Variants in WWOX observed in about 807,000 individuals in gnomAD.
WWOX encodes the protein WW domain containing oxidoreductase.
Under a neutral mutation model 46.2 loss-of-function variants are expected in WWOX, and 69 were observed. The ratio of observed to expected loss-of-function variants is 1.49; its 90% CI spans 1.23 to 1.82. The LOEUF (loss-of-function observed/expected upper bound fraction) is 1.82. WWOX is among the 40% of genes most tolerant of loss of function. The probability of loss-of-function intolerance (pLI) is 0.00; values close to 1 mark genes in which losing one functional copy is unlikely to be tolerated. For missense variants in WWOX, 919 were observed against 542.6 expected (o/e 1.69, Z -6.89); for synonymous variants, 359 against 202.6 (o/e 1.77, Z -6.56).
intron 8 of WWOX, among the ~76,000 whole-genome samples, chr16:78,470,566 G>A (rs568083066): frequency 6.6e-6 from 1 of 152,030 alleles, no homozygotes; most frequent in Non-Finnish European, 1.5e-5. Context: ...ATCTTGCTCT[G>A]TCGCCCAGGC....
At chr16:78,387,804 C>G (rs1313660247) in intron 6 of WWOX, among the ~76,000 whole-genome samples, 1 of 151,846 alleles carries the variant, frequency 6.6e-6, no homozygotes, top group Non-Finnish European at 1.5e-5. Flanking sequence ...TGACTTGATT[C>G]AAACATGAGG....
chr16:78,788,532 C>T lies in WWOX; in HGVS notation c.1056+355780C>T, dbSNP rs1374004120. On this transcript the variant is annotated intron_variant, in intron 8 of 8. Coordinates refer to ENST00000566780, the MANE Select transcript of WWOX (RefSeq NM_016373.4). ...CAAGAGGGCTGGGTTTGGGAGCTTC[C>T]AGATAGCTGAAGACAAGGAGGTTCC... 2.6e-5 allele frequency among the ~76,000 whole-genome samples: 4 copies of T among 152,174 alleles called. No individual in the cohort carries two copies. The South Asian group carries it at 6.2e-4, about 24-fold the overall frequency.
At chr16:78,744,731 T>C (rs1291420478) in intron 8 of WWOX, among the ~76,000 whole-genome samples, 1 of 152,092 alleles carries the variant, frequency 6.6e-6, no homozygotes, top group Non-Finnish European at 1.5e-5. Context: ...TGTGTATTTC[T>C]ATTACCAGCC....
chr16:78,718,320 A>G (rs886599029), intron 8 of WWOX, among the ~76,000 whole-genome samples: 4 of 152,090 alleles, frequency 2.6e-5, no homozygotes, highest in Admixed American at 2.0e-4. Context: ...TACCATCATA[A>G]AAGAATTATT....
At position 78,490,667 on chromosome 16, in the gene WWOX, C is replaced by T. The variant is rs193242841; in HGVS notation, c.1056+57915C>T. ...TCCTCTTTGACTTGGAAAGCACCCACGTGAATGTTGAACCATTTGGCCCTC... is the reference window on the plus strand; with the variant it reads ...TCCTCTTTGACTTGGAAAGCACCCATGTGAATGTTGAACCATTTGGCCCTC... On this transcript the variant is annotated intron_variant, in intron 8 of 8. Coordinates refer to ENST00000566780, the MANE Select transcript of WWOX (RefSeq NM_016373.4). 1.4e-3 allele frequency among the ~76,000 whole-genome samples: 216 copies of T among 152,288 alleles called. 1 individual carries two copies. Among genetic ancestry groups the T allele is most frequent in the Non-Finnish European group, 2.6e-3 (177 of 68,022 alleles).
At chr16:78,831,101 G>A (rs951734143) in intron 8 of WWOX, among the ~76,000 whole-genome samples, 1 of 152,192 alleles carries the variant, frequency 6.6e-6, no homozygotes, top group Non-Finnish European at 1.5e-5. Context: ...GCCCTCCAGA[G>A]CTTGCAGCTA....
intron 8 of WWOX, among the ~76,000 whole-genome samples, chr16:79,070,909 C>CAT (rs2048538009): frequency 1.3e-5 from 2 of 152,148 alleles, no homozygotes; most frequent in Admixed American, 6.5e-5. Context: ...AGCATCGTCA[C>CAT]TCAGCACAGA....
intron 4 of WWOX, chr16:78,118,821 T>C (rs1459438876): frequency 6.6e-6 from 1 of 152,184 alleles, no homozygotes; most frequent in African/African-American, 2.4e-5. Flanking sequence ...CCAGGAAGAC[T>C]GTGGCAGCAC....
intron 8 of WWOX, among the ~76,000 whole-genome samples, chr16:79,056,209 C>T (rs1403828826): frequency 6.0e-5 from 6 of 100,718 alleles, no homozygotes; most frequent in African/African-American, 2.9e-4. Context: ...TAGGCTGTCA[C>T]TAGACCAAAA....
chr16:79,139,657 G>A (rs993212849), intron 8 of WWOX, among the ~76,000 whole-genome samples: 2 of 151,228 alleles, frequency 1.3e-5, no homozygotes, highest in African/African-American at 4.9e-5. Flanking sequence ...CGATCTTGTT[G>A]AAATGTTTTT....
chr16:78,447,467 T>C (rs982124199), intron 8 of WWOX, among the ~76,000 whole-genome samples: 2 of 152,200 alleles, frequency 1.3e-5, no homozygotes, highest in African/African-American at 4.8e-5. Flanking sequence ...TTAGATCACT[T>C]AGCTAGCAAG....
chr16:78,486,813 C>T (rs911941772), intron 8 of WWOX, among the ~76,000 whole-genome samples: 1 of 152,164 alleles, frequency 6.6e-6, no homozygotes, highest in Non-Finnish European at 1.5e-5. Flanking sequence ...ACTTCGTGAT[C>T]CACTCGCCTC....
intron 8 of WWOX, among the ~76,000 whole-genome samples, chr16:78,729,485 T>C (rs1218470045): frequency 6.6e-6 from 1 of 151,830 alleles, no homozygotes; most frequent in Non-Finnish European, 1.5e-5. Flanking sequence ...CAGAGGGAGA[T>C]TTGAGAAAGA....
chr16:78,966,464 C>T (rs763531682), intron 8 of WWOX, among the ~76,000 whole-genome samples: 1 of 151,954 alleles, frequency 6.6e-6, no homozygotes, highest in Non-Finnish European at 1.5e-5. Flanking sequence ...TTTTCATGTA[C>T]ATCGTTTTTA....
At chr16:78,720,404 C>T (rs549955984) in intron 8 of WWOX, among the ~76,000 whole-genome samples, 11 of 148,306 alleles carry the variant, frequency 7.4e-5, no homozygotes, top group South Asian at 2.1e-4. Context: ...TCTGTTAACA[C>T]GAAAACTAAA....
chr16:78,239,707 G>C (rs771070416), intron 5 of WWOX, among the ~76,000 whole-genome samples: 1 of 151,960 alleles, frequency 6.6e-6, no homozygotes. Context: ...GCTAGTTTTT[G>C]TATTTTTTAG....
At chr16:79,071,404 G>A (rs879588069) in intron 8 of WWOX, among the ~76,000 whole-genome samples, 1 of 152,226 alleles carries the variant, frequency 6.6e-6, no homozygotes, top group African/African-American at 2.4e-5. Context: ...AGAAGGGGTT[G>A]TGCGTTTCTT....
At chr16:78,555,390 A>G (rs1246860529) in intron 8 of WWOX, among the ~76,000 whole-genome samples, 1 of 152,158 alleles carries the variant, frequency 6.6e-6, no homozygotes, top group Non-Finnish European at 1.5e-5. Context: ...AATACTTGGA[A>G]GGCGATGTGT....
intron 8 of WWOX, among the ~76,000 whole-genome samples, chr16:78,451,936 G>C (rs1301861182): frequency 6.6e-6 from 1 of 152,082 alleles, no homozygotes; most frequent in Non-Finnish European, 1.5e-5. Flanking sequence ...TGTATTGTTG[G>C]AGCCCTTAGT....
Sources: gnomAD v4.1 joint callset for allele counts (sites outside exome capture counted in the v4.1 genomes callset) on GRCh38, gnomAD v4.1.1 for gene constraint, MANE v1.5 for transcripts, NCBI Gene and HGNC (gene_info 2026-07-23, HGNC 2026-07-21) for gene names.